Variants in GYG2 observed in about 807,000 individuals in gnomAD.
GYG2 encodes glycogenin 2, also known as glycogenin-2.
In GYG2, 29 loss-of-function variants were observed where a neutral mutation model predicts 29.4. The ratio of observed to expected loss-of-function variants is 0.99; its 90% CI spans 0.74 to 1.35. GYG2 has a LOEUF of 1.35. Among genes scored for constraint, GYG2 ranks in the 40% most tolerant of loss-of-function variants. The pLI is 0.00. For synonymous variants in GYG2, 167 were observed against 172.3 expected (o/e 0.97, Z 0.24); for missense variants, 370 against 385.7 (o/e 0.96, Z 0.34).
chrX:2,849,331 G>A (rs59221408), intron 3 of GYG2, among the ~76,000 whole-genome samples: 15,840 of 110,828 alleles, frequency 0.14, 847 homozygotes, highest in East Asian at 0.24. Context: ...CAGAGAAATA[G>A]TTACCTTAAA....
intron 3 of GYG2, among the ~76,000 whole-genome samples, chrX:2,844,962 GTA>G (rs1314473830): frequency 2.0e-5 from 2 of 98,872 alleles, no homozygotes; most frequent in South Asian, 4.3e-4. Flanking sequence ...ATACATGTAT[GTA>G]TATATTTATA....
intron 8 of GYG2, among the ~76,000 whole-genome samples, chrX:2,871,685 G>A (rs1206104407): frequency 1.0e-5 from 1 of 99,751 alleles, no homozygotes; most frequent in African/African-American, 3.6e-5. Context: ...ACGAGACTCC[G>A]TCTCAAATAA....
intron 8 of GYG2, among the ~76,000 whole-genome samples, chrX:2,869,529 A>C (rs1257923752): frequency 8.9e-6 from 1 of 112,672 alleles, no homozygotes; most frequent in African/African-American, 3.2e-5. Context: ...TTTTAAAAAA[A>C]GTTTATTTTC....
chrX:2,871,382 G>A (rs2088464044), intron 8 of GYG2, among the ~76,000 whole-genome samples: 1 of 58,831 alleles, frequency 1.7e-5, no homozygotes, highest in African/African-American at 3.8e-5. Flanking sequence ...GCTCTCTGAT[G>A]CACTTAAAAA....
intron 2 of GYG2, among the ~76,000 whole-genome samples, chrX:2,830,930 A>G (rs183003688): frequency 6.3e-5 from 7 of 111,922 alleles, no homozygotes; most frequent in Non-Finnish European, 9.4e-5. Flanking sequence ...CTAAAAAACA[A>G]CAACAAAATA....
At chrX:2,850,528 T>G (rs1027533389) in intron 3 of GYG2, among the ~76,000 whole-genome samples, 1 of 111,475 alleles carries the variant, frequency 9.0e-6, no homozygotes, top group African/African-American at 3.3e-5. Flanking sequence ...TACACTGATG[T>G]CAGGCCTCTG....
chrX:2,863,800 T>C (rs1176303445), intron 8 of GYG2, among the ~76,000 whole-genome samples: 5 of 111,810 alleles, frequency 4.5e-5, no homozygotes, highest in South Asian at 3.7e-4. Context: ...ACGTGCCTCA[T>C]GCGAGTCAAG....
intron 2 of GYG2, among the ~76,000 whole-genome samples, chrX:2,831,978 C>A (rs1450212145): frequency 1.8e-5 from 2 of 112,508 alleles, no homozygotes; most frequent in African/African-American, 6.5e-5. Context: ...CTGAAAGTGT[C>A]CGCCGCAGTG....
chrX:2,876,836 C>G (rs899168007), intron 9 of GYG2, among the ~76,000 whole-genome samples: 11 of 110,176 alleles, frequency 1.0e-4, no homozygotes, highest in Non-Finnish European at 1.7e-4. Flanking sequence ...GTAGTCCCAG[C>G]TACTCCGGAG....
intron 8 of GYG2, among the ~76,000 whole-genome samples, chrX:2,868,652 T>C (rs955030611): frequency 9.1e-6 from 1 of 109,390 alleles, no homozygotes; most frequent in African/African-American, 3.3e-5. Context: ...AATGAAGTCT[T>C]CAGGCTTTTA....
chrX:2,881,028 T>C, intron 10 of GYG2, 24 bp from the exon 11 acceptor site: 1 of 1,204,223 alleles, frequency 8.3e-7, no homozygotes, highest in Non-Finnish European at 1.1e-6. Flanking sequence ...GCAAAAACCA[T>C]CTCCCACTGA....
Position 2,881,199 on chromosome X carries a change from C to T in GYG2, c.1399C>T (p.Arg467Trp). 1 of 1,188,963 alleles carries T rather than the reference C, an allele frequency of 8.4e-7. No individual in the cohort carries two copies. Among genetic ancestry groups the T allele is most frequent in the Admixed American group, 2.3e-5 (1 of 43,266 alleles). The change falls in exon 11 of 11, where the codon CGG (arginine) becomes TGG (tryptophan). Residue 467 changes from arginine (R) to tryptophan (W), a missense_variant. Coordinates refer to ENST00000398806, the MANE Select transcript of GYG2 (RefSeq NM_001079855.2). ...TGCTCGCATCCAGGAGAAGCTGGACCGGTTCCTGCAGTAATCCGGCAGCTG... is the reference window on the plus strand; with the variant it reads ...TGCTCGCATCCAGGAGAAGCTGGACTGGTTCCTGCAGTAATCCGGCAGCTG... ...AFARIQEKLD[R>W]FLQ
At chrX:2,877,064 T>G in intron 9 of GYG2, 136 bp from the exon 10 acceptor site, 38 of 854,062 alleles carry the variant, frequency 4.4e-5, no homozygotes, top group Non-Finnish European at 5.3e-5. Context: ...ATTACAGGCA[T>G]GAGCCACCGC....
chrX:2,876,799 A>G (rs1364567870), intron 9 of GYG2, among the ~76,000 whole-genome samples: 1 of 109,911 alleles, frequency 9.1e-6, no homozygotes, highest in African/African-American at 3.3e-5. Context: ...AATACAAAAA[A>G]TTAGCTGGGC....
intron 7 of GYG2, among the ~76,000 whole-genome samples, chrX:2,860,643 CTTTTT>C (rs140288633): frequency 2.5e-5 from 2 of 80,401 alleles, no homozygotes; most frequent in Non-Finnish European, 2.4e-5. Context: ...AAAACTTGAG[CTTTTT>C]TTTTTTTTTT....
intron 3 of GYG2, among the ~76,000 whole-genome samples, chrX:2,849,014 C>T (rs368691825): frequency 5.4e-5 from 6 of 111,021 alleles, no homozygotes; most frequent in African/African-American, 2.0e-4. Context: ...GGTGGGAGAT[C>T]GCCCCTCCCC....
At chrX:2,872,466 G>C (rs1387194812) in intron 8 of GYG2, among the ~76,000 whole-genome samples, 1 of 112,077 alleles carries the variant, frequency 8.9e-6, no homozygotes, top group African/African-American at 3.2e-5. Context: ...AAGCCTCTGG[G>C]TCTTGATTAG....
intron 2 of GYG2, among the ~76,000 whole-genome samples, chrX:2,836,456 G>A (rs972838282): frequency 1.5e-4 from 16 of 109,684 alleles, no homozygotes; most frequent in Admixed American, 1.2e-3. Flanking sequence ...ATTGCTTGAG[G>A]CCAGGAGTTT....
At chrX:2,856,799 C>CTATCATCTATCATCT (rs5901212) in intron 6 of GYG2, among the ~76,000 whole-genome samples, 175 bp downstream of exon 6, 99 of 91,471 alleles carry the variant, frequency 1.1e-3, no homozygotes, top group African/African-American at 4.1e-3. Flanking sequence ...ATCTATCTAT[C>CTATCATCTATCATCT]ATCTATCTAT....
Sources: gnomAD v4.1 joint callset for allele counts (sites outside exome capture counted in the v4.1 genomes callset) on GRCh38, gnomAD v4.1.1 for gene constraint, MANE v1.5 for transcripts, NCBI Gene and HGNC (gene_info 2026-07-23, HGNC 2026-07-21) for gene names.